Variants in HNRNPA1 observed in about 807,000 individuals in gnomAD.
The protein encoded by HNRNPA1 is epididymis secretory sperm binding protein.
In HNRNPA1, 7 loss-of-function variants were observed where a neutral mutation model predicts 44.4. The observed-to-expected ratio is 0.16, with a 90% CI of 0.09 to 0.30. HNRNPA1 has a LOEUF of 0.30. HNRNPA1 is among the 10% of genes least tolerant of loss of function. HNRNPA1 has a pLI of 1.00. For missense variants in HNRNPA1, 193 were observed against 465.8 expected (o/e 0.41, Z 5.39); for synonymous variants, 169 against 160.6 (o/e 1.05, Z -0.40).
intron 1 of HNRNPA1, 108 bp downstream of exon 1, chr12:54,280,930 G>C (rs1401991657): frequency 3.3e-5 from 41 of 1,254,716 alleles, no homozygotes; most frequent in Non-Finnish European, 4.6e-5. Flanking sequence ...CAGTTCCTTC[G>C]GTCGCTGCCA....
At position 54,281,807 on chromosome 12, in the gene HNRNPA1, C is replaced by T; in HGVS notation, c.145C>T (p.Pro49Ser). ...ACACTGTTCTCAGGTAATGAGAGAT[C>T]CAAACACCAAGCGCTCCAGGGGCTT... ...TLTDCVVMRD[P>S]NTKRSRGFGF... Residue 49 changes from proline (P) to serine (S), a missense_variant, in exon 3 of 11, where the codon CCA becomes TCA. Pro to Ser is a moderately conservative substitution (Grantham distance 74, BLOSUM62 -1). Around this residue, in one of 2 missense-constraint regions of HNRNPA1, gnomAD observed 57 missense variants for 231.3 expected, o/e 0.25. Transcript: ENST00000340913. 1 of 1,611,576 alleles carries T rather than the reference C, an allele frequency of 6.2e-7. No individual in the cohort carries two copies. Among genetic ancestry groups the T allele is most frequent in the Non-Finnish European group, 8.5e-7 (1 of 1,179,456 alleles).
At position 54,280,733 on chromosome 12, in the gene HNRNPA1, T is replaced by A; in HGVS notation, c.-75T>A. 6.4e-7 allele frequency: 1 copy of A among 1,562,252 alleles called. No individual in the cohort carries two copies. The highest frequency in any genetic ancestry group is 1.1e-5 in the South Asian group (1 of 90,040). On this transcript the variant is annotated 5_prime_UTR_variant, in exon 1 of 11. Coordinates refer to ENST00000340913, the MANE Select transcript of HNRNPA1 (RefSeq NM_031157.4). ...GGGCGAAGGTAGGCTGGCAGATACG[T>A]TCGTCAGCTTGCTCCTTTCTGCCCG...
At chr12:54,282,051 G>C in intron 3 of HNRNPA1, 39 bp from the exon 4 acceptor site, 1 of 1,604,378 alleles carries the variant, frequency 6.2e-7, no homozygotes. Context: ...TTCGAGTATA[G>C]GCTTTGCTAA....
chr12:54,280,769 C>T lies in HNRNPA1; in HGVS notation c.-39C>T, dbSNP rs749325060. The T allele has an allele frequency of 1.9e-5, 30 of 1,613,766 alleles. No individual in the cohort carries two copies. The highest frequency in any genetic ancestry group is 1.6e-4 in the Middle Eastern group (1 of 6,080). On this transcript the variant is annotated 5_prime_UTR_variant, in exon 1 of 11. Transcript: ENST00000340913. ...GCTCCTTTCTGCCCGTGGACGCCGC[C>T]GAAGAAGCATCGTTAAAGTCTCTCT...
rs1944260119 is a variant in HNRNPA1 at position 54,286,177 on chromosome 12, G to C, written c.*1633G>C. 1 of 152,140 alleles carries C rather than the reference G, an allele frequency of 6.6e-6. No homozygotes were observed. The highest frequency in any genetic ancestry group is 1.5e-5 in the Non-Finnish European group (1 of 68,072). The allele number at this position is 152,140 out of a possible 1,614,324, so 9.4% of individuals were successfully genotyped here. On this transcript the variant is annotated 3_prime_UTR_variant, in exon 11 of 11. Coordinates refer to ENST00000340913, the MANE Select transcript of HNRNPA1 (RefSeq NM_031157.4). ...CGCTCCATGAAAGCTAGGAGGGAGT[G>C]AAATATCAGTGATCATCGCAAGGAA...
rs1944228077 is a variant in HNRNPA1, at chr12:54,284,178, A to T, written c.1064-80A>T. The T allele has an allele frequency of 2.0e-6, 3 of 1,490,198 alleles. No homozygotes were observed. The South Asian group carries it at 3.6e-5, about 18-fold the overall frequency. 92.3% of individuals were successfully genotyped at this position (1,490,198 alleles called of 1,614,324 possible). A position where few individuals can be genotyped will look rare whatever the true frequency, so the allele number is the denominator to read the frequency against. ...CCATTTTTAAATGGCCAGACACTTG[A>T]ATTTAACTTTTATTATCCCAAATAT... On this transcript the variant is annotated intron_variant, in intron 9 of 10. Coordinates refer to ENST00000340913, the MANE Select transcript of HNRNPA1 (RefSeq NM_031157.4).
rs1944198954 is a variant in HNRNPA1 at position 54,282,888 on chromosome 12, G to A, written c.751+14G>A. On this transcript the variant is annotated intron_variant, in intron 7 of 10. Transcript: ENST00000340913. ...TTGGTAATGATGGTAAGTTTTTTAG[G>A]AATAAGTAGAGAAAAATTCCTGGCA... The A allele has an allele frequency of 6.5e-7, 1 of 1,544,556 alleles. No homozygotes were observed. The highest frequency in any genetic ancestry group is 8.7e-7 in the Non-Finnish European group (1 of 1,143,766).
rs565686892 is a variant in HNRNPA1, at chr12:54,282,586, T to C, written c.597T>C (p.Ser199=). Residue 199 remains serine (S), a synonymous_variant, in exon 6 of 11, where the codon TCT becomes TCC. Coordinates refer to ENST00000340913, the MANE Select transcript of HNRNPA1 (RefSeq NM_031157.4). ...TCATGTCTTAAGGTCGAAGTGGTTC[T>C]GGAAACTTTGGTGGTGGTCGTGGAG... The part of the protein sequence containing the change: ...ASSSQRGRSG[S]GNFGGGRGGG... The C allele has an allele frequency of 1.5e-5, 24 of 1,614,074 alleles. No homozygotes were observed. In the Admixed American group the frequency reaches 3.3e-4, roughly 22 times the overall value.
chr12:54,281,972 AACTT>A (rs1944179710), intron 3 of HNRNPA1, 31 bp downstream of exon 3: 3 of 1,611,334 alleles, frequency 1.9e-6, no homozygotes, highest in Non-Finnish European at 2.5e-6. Context: ...CTTCTTCTTA[AACTT>A]ACTTGGATAT....
chr12:54,280,967 C>A, intron 1 of HNRNPA1, 145 bp downstream of exon 1: 1 of 885,956 alleles, frequency 1.1e-6, no homozygotes, highest in East Asian at 2.5e-5. Context: ...AAGTTCAAGT[C>A]GCCATTTTGT....
At chr12:54,281,608 G>A in intron 2 of HNRNPA1, 106 bp downstream of exon 2, 1 of 1,011,976 alleles carries the variant, frequency 9.9e-7, no homozygotes, top group Non-Finnish European at 1.5e-6. Context: ...ATTATAGTTA[G>A]AGCTTTGTTG....
Position 54,284,244 on chromosome 12 carries a change from A to C in HNRNPA1, c.1064-14A>C, listed in dbSNP as rs1944229851. ...GGCACTTTGAAACTTTAAAAGAAAAATTGTACTTTTCAGGTGGCTATGGCG... is the reference window on the plus strand; with the variant it reads ...GGCACTTTGAAACTTTAAAAGAAAACTTGTACTTTTCAGGTGGCTATGGCG... On this transcript the variant is annotated splice_polypyrimidine_tract_variant and intron_variant, in intron 9 of 10. Transcript: ENST00000340913. 6.2e-7 allele frequency: 1 copy of C among 1,612,036 alleles called. No individual in the cohort carries two copies. The highest frequency in any genetic ancestry group is 1.7e-5 in the Admixed American group (1 of 59,628).
At chr12:54,281,684 C>A in intron 2 of HNRNPA1, 111 bp from the exon 3 acceptor site, 1 of 1,228,980 alleles carries the variant, frequency 8.1e-7, no homozygotes, top group Non-Finnish European at 1.1e-6. Flanking sequence ...GGAAACTGGA[C>A]GACTTTTTAT....
At chr12:54,284,379 C>T (rs1340701088) in intron 10 of HNRNPA1, 62 bp downstream of exon 10, 1 of 1,343,648 alleles carries the variant, frequency 7.4e-7, no homozygotes, top group Admixed American at 1.7e-5. Context: ...ACCCAATAAC[C>T]CTAATGTAGC....
At position 54,281,063 on chromosome 12, in the gene HNRNPA1, A is replaced by G. The variant is rs1944152931; in HGVS notation, c.15+241A>G. The G allele has an allele frequency of 5.7e-6, 4 of 705,100 alleles. No homozygotes were observed. In the East Asian group the frequency reaches 1.1e-4, roughly 19 times the overall value. The allele number at this position is 705,100 out of a possible 1,614,324, so 43.7% of individuals were successfully genotyped here. A position where few individuals can be genotyped will look rare whatever the true frequency, so the allele number is the denominator to read the frequency against. On this transcript the variant is annotated intron_variant, in intron 1 of 10. Transcript: ENST00000340913. ...CTCGTAGCAAAATTCTTAGGCACACAGGATCTTTGTCTTTTTTTAAACCTT... is the reference window on the plus strand; with the variant it reads ...CTCGTAGCAAAATTCTTAGGCACACGGGATCTTTGTCTTTTTTTAAACCTT...
At chr12:54,281,643 T>A (rs1370958271) in intron 2 of HNRNPA1, 141 bp downstream of exon 2, 2 of 1,041,894 alleles carry the variant, frequency 1.9e-6, no homozygotes, top group Non-Finnish European at 2.9e-6. Flanking sequence ...TGCTTTGATT[T>A]TAAAAGCTAC....
At chr12:54,284,072 T>C (rs1377892053) in intron 9 of HNRNPA1, 105 bp downstream of exon 9, 14 of 1,391,852 alleles carry the variant, frequency 1.0e-5, no homozygotes, top group African/African-American at 1.4e-5. Flanking sequence ...ACGTTTATAG[T>C]TTAGAACCTT....
Position 54,286,993 on chromosome 12 carries a change from C to T in HNRNPA1, c.*2449C>T, listed in dbSNP as rs1029702472. ...GACCTTTATCTGAGCCACTGTACTT[C>T]GTTATCACTGCCATGCAGTTTACAT... is the stretch of plus-strand genomic sequence containing the variant. On this transcript the variant is annotated 3_prime_UTR_variant, in exon 11 of 11. Transcript: ENST00000340913. 13 of 152,006 alleles carry T rather than the reference C, an allele frequency of 8.6e-5. No individual in the cohort carries two copies. Among genetic ancestry groups the T allele is most frequent in the African/African-American group, 1.7e-4 (7 of 41,382 alleles). 9.4% of individuals were successfully genotyped at this position (152,006 alleles called of 1,614,324 possible).
intron 4 of HNRNPA1, 45 bp from the exon 5 acceptor site, chr12:54,282,349 C>T (rs1227436851): frequency 6.2e-7 from 1 of 1,606,688 alleles, no homozygotes; most frequent in South Asian, 1.1e-5. Flanking sequence ...ATCTGTATGG[C>T]ATTCTAAACC....
Sources: allele counts gnomAD v4.1 joint callset, GRCh38; gene constraint gnomAD v4.1.1; regional missense constraint gnomAD v4.1.1; transcripts MANE v1.5; gene names NCBI Gene and HGNC (gene_info 2026-07-23, HGNC 2026-07-21).